Variants in BMP5 observed in about 807,000 individuals in gnomAD.
The protein encoded by BMP5 is bone morphogenetic protein 5.
A neutral mutation model predicts 46.6 loss-of-function variants in BMP5; 23 were observed. That is an observed-to-expected ratio of 0.49 (90% CI 0.35 to 0.70). The LOEUF (loss-of-function observed/expected upper bound fraction) is 0.70, where lower values mean the gene tolerates loss of function less well. BMP5 is among the 30% of genes least tolerant of loss of function. The pLI is 0.00. For missense variants in BMP5, 545 were observed against 565.6 expected, an observed-to-expected ratio of 0.96 and a Z score of 0.37; for synonymous variants, 204 against 191.9, an observed-to-expected ratio of 1.06 and a Z score of -0.52.
chr6:55,803,572 T>C (rs1775908153), intron 2 of BMP5, among the ~76,000 whole-genome samples: 1 of 152,206 alleles, frequency 6.6e-6, no homozygotes, highest in South Asian at 2.1e-4. Flanking sequence ...CAGGCTTTTC[T>C]GCTGCTCGCA....
At chr6:55,849,324 C>T (rs2023580) in intron 1 of BMP5, among the ~76,000 whole-genome samples, 3,295 of 151,988 alleles carry the variant, frequency 0.022, 50 homozygotes, top group Middle Eastern at 0.061. Context: ...TATGTATGTG[C>T]GTACCTACAC....
chr6:55,805,272 A>G (rs1180100486), intron 2 of BMP5, among the ~76,000 whole-genome samples: 1 of 152,168 alleles, frequency 6.6e-6, no homozygotes, highest in Admixed American at 6.5e-5. Context: ...CCGGGATACT[A>G]GTGCATAACC....
At position 55,794,280 on chromosome 6, in the gene BMP5, A is replaced by G; in HGVS notation, c.831T>C (p.Asp277=). The G allele has an allele frequency of 6.2e-7, 1 of 1,613,934 alleles. No homozygotes were observed. The highest frequency in any genetic ancestry group is 8.5e-7 in the Non-Finnish European group (1 of 1,179,876). ...LGLQLCAETG[D]GRSINVKSAG... is the part of the protein sequence containing the mutation. ...AAATATATAAAATTCAGTGCTTACC[A>G]TCCCCTGTTTCTGCACAGAGCTGTA... Residue 277 remains aspartate, a splice_region_variant and synonymous_variant, in exon 3 of 7, where the codon GAT becomes GAC. Coordinates refer to ENST00000370830, the MANE Select transcript of BMP5 (RefSeq NM_021073.4).
intron 4 of BMP5, among the ~76,000 whole-genome samples, chr6:55,771,229 G>A (rs1299421969): frequency 6.6e-6 from 1 of 151,636 alleles, no homozygotes; most frequent in Non-Finnish European, 1.5e-5. Flanking sequence ...ATGTTCTGGA[G>A]GTTTTTAAAA....
intron 4 of BMP5, 99 bp downstream of exon 4, chr6:55,773,950 G>A (rs1336839738): frequency 1.6e-5 from 20 of 1,277,578 alleles, no homozygotes; most frequent in Admixed American, 1.4e-4. Flanking sequence ...TGTACCATCC[G>A]AAGGTATACA....
At chr6:55,840,499 T>C (rs1008483341) in intron 1 of BMP5, among the ~76,000 whole-genome samples, 1 of 152,138 alleles carries the variant, frequency 6.6e-6, no homozygotes, top group Non-Finnish European at 1.5e-5. Flanking sequence ...GTAAATTTTG[T>C]ATAGATTTCT....
intron 2 of BMP5, among the ~76,000 whole-genome samples, chr6:55,799,070 A>G (rs557773918): frequency 3.2e-4 from 48 of 152,328 alleles, no homozygotes; most frequent in Non-Finnish European, 8.8e-5. Flanking sequence ...ATCTAGTGCT[A>G]TAAAGATTTG....
chr6:55,873,414 T>C lies in BMP5; in HGVS notation c.490+962A>G, dbSNP rs76864182. On this transcript the variant is annotated intron_variant, in intron 1 of 6. Coordinates refer to ENST00000370830, the MANE Select transcript of BMP5 (RefSeq NM_021073.4). ...CAAACATAAAATATATTCGATGTTATTTTCCTTTGACTGCCAGAGATAGTA... is the reference window on the plus strand; with the variant it reads ...CAAACATAAAATATATTCGATGTTACTTTCCTTTGACTGCCAGAGATAGTA... Among the ~76,000 whole-genome samples, 864 of 152,038 alleles carry C rather than the reference T, an allele frequency of 5.7e-3. 14 individuals are homozygous for C. The highest frequency in any genetic ancestry group is 0.019 in the African/African-American group (800 of 41,550).
At chr6:55,796,921 G>C (rs1176890453) in intron 2 of BMP5, among the ~76,000 whole-genome samples, 1 of 152,122 alleles carries the variant, frequency 6.6e-6, no homozygotes, top group East Asian at 1.9e-4. Flanking sequence ...TATATTTCTA[G>C]TTCACCTCTG....
At chr6:55,833,547 A>T (rs539523022) in intron 1 of BMP5, among the ~76,000 whole-genome samples, 1 of 152,332 alleles carries the variant, frequency 6.6e-6, no homozygotes, top group South Asian at 2.1e-4. Context: ...CCATGTAAAT[A>T]ATCATTACAC....
intron 1 of BMP5, among the ~76,000 whole-genome samples, chr6:55,829,451 A>G (rs1354799384): frequency 6.6e-6 from 1 of 151,774 alleles, no homozygotes; most frequent in Non-Finnish European, 1.5e-5. Flanking sequence ...CTACTGTGGC[A>G]CAGCCCTGCT....
chr6:55,801,967 C>A lies in BMP5; in HGVS notation c.684-7540G>T, dbSNP rs951092018. Among the ~76,000 whole-genome samples the A allele has an allele frequency of 6.6e-5, 10 of 152,302 alleles. No homozygotes were observed. In the East Asian group the frequency reaches 1.9e-3, roughly 29 times the overall value. On this transcript the variant is annotated intron_variant, in intron 2 of 6. Coordinates refer to ENST00000370830, the MANE Select transcript of BMP5 (RefSeq NM_021073.4). ...CTCAGTTATGCCACAAGTTGGGTAC[C>A]AATATTTTACAAGAATGAACTGATA...
At chr6:55,775,214 GTAA>G (rs1343492876) in intron 3 of BMP5, among the ~76,000 whole-genome samples, 1 of 151,908 alleles carries the variant, frequency 6.6e-6, no homozygotes, top group African/African-American at 2.4e-5. Context: ...CATGTGGGTA[GTAA>G]TAATAATACT....
At chr6:55,793,397 T>C (rs568385573) in intron 3 of BMP5, among the ~76,000 whole-genome samples, 1 of 152,328 alleles carries the variant, frequency 6.6e-6, no homozygotes, top group East Asian at 1.9e-4. Context: ...TCACTAATAC[T>C]ATTGTGTTAT....
chr6:55,783,934 G>A (rs997237396), intron 3 of BMP5, among the ~76,000 whole-genome samples: 1 of 151,832 alleles, frequency 6.6e-6, no homozygotes, highest in Non-Finnish European at 1.5e-5. Flanking sequence ...TATTTTGCCA[G>A]ATAGTGAACC....
intron 2 of BMP5, among the ~76,000 whole-genome samples, chr6:55,805,629 G>A (rs940165438): frequency 6.6e-6 from 1 of 152,128 alleles, no homozygotes; most frequent in Non-Finnish European, 1.5e-5. Flanking sequence ...CTAGATCCTT[G>A]AGGAATCGGC....
At chr6:55,792,535 CAA>C (rs78969394) in intron 3 of BMP5, among the ~76,000 whole-genome samples, 1,813 of 74,646 alleles carry the variant, frequency 0.024, 33 homozygotes, top group African/African-American at 0.058. Flanking sequence ...GACTCCGTCT[CAA>C]AAAAAAAAAA....
chr6:55,782,125 T>C (rs543053117), intron 3 of BMP5, among the ~76,000 whole-genome samples: 1 of 152,228 alleles, frequency 6.6e-6, no homozygotes, highest in South Asian at 2.1e-4. Flanking sequence ...CAGGAACACA[T>C]TTTGAATGCT....
chr6:55,860,829 T>C (rs1378558861), intron 1 of BMP5, among the ~76,000 whole-genome samples: 1 of 152,242 alleles, frequency 6.6e-6, no homozygotes, highest in Non-Finnish European at 1.5e-5. Context: ...CATGTACTTC[T>C]GCATTTTGCT....
Sources: allele counts gnomAD v4.1 joint callset (sites outside exome capture counted in the v4.1 genomes callset), GRCh38; gene constraint gnomAD v4.1.1; transcripts MANE v1.5; gene names NCBI Gene and HGNC (gene_info 2026-07-23, HGNC 2026-07-21).